PTPRD: variants seen among roughly 807,000 people sequenced by gnomAD.
PTPRD encodes the protein receptor-type tyrosine-protein phosphatase delta.
PTPRD carries 34 observed loss-of-function variants against 214.5 expected under a neutral mutation model. The ratio of observed to expected loss-of-function variants is 0.16; its 90% confidence interval spans 0.12 to 0.21. The LOEUF (loss-of-function observed/expected upper bound fraction) is 0.21. PTPRD is among the 10% of genes least tolerant of loss of function. PTPRD has a pLI of 1.00. For synonymous variants in PTPRD, 1,128 were observed against 845.7 expected (o/e 1.33, Z -5.79); for missense variants, 2,545 against 2,398.7 (o/e 1.06, Z -1.27).
At chr9:8,933,340 G>GTTTTTTTTTCTTTTTTTTT (rs2098966742) in intron 11 of PTPRD, among the ~76,000 whole-genome samples, 1 of 80,430 alleles carries the variant, frequency 1.2e-5, no homozygotes, top group Non-Finnish European at 2.3e-5. Context: ...CAACCTTGAG[G>GTTTTTTTTTCTTTTTTTTT]TTTTTTTTTT....
chr9:8,934,494 A>AATATATATATAAATATATATATATAAAT (rs1567100968), intron 11 of PTPRD, among the ~76,000 whole-genome samples: 2 of 7,434 alleles, frequency 2.7e-4, no homozygotes, highest in Admixed American at 3.4e-3. Context: ...TATATATATA[A>AATATATATATAAATATATATATATAAAT]ATATATATAT....
intron 9 of PTPRD, among the ~76,000 whole-genome samples, chr9:9,218,798 G>A (rs2099953969): frequency 6.6e-6 from 1 of 152,038 alleles, no homozygotes; most frequent in African/African-American, 2.4e-5. Context: ...ATGAATGCCC[G>A]GCCCTCACAG....
At chr9:9,309,111 A>G (rs1002332773) in intron 9 of PTPRD, among the ~76,000 whole-genome samples, 12 of 152,134 alleles carry the variant, frequency 7.9e-5, no homozygotes, top group African/African-American at 2.4e-4. Context: ...TTATTTGAAA[A>G]TCTTTCCTCC....
intron 10 of PTPRD, among the ~76,000 whole-genome samples, chr9:9,105,338 T>C (rs975524923): frequency 2.0e-5 from 3 of 152,118 alleles, no homozygotes; most frequent in African/African-American, 7.2e-5. Flanking sequence ...GTTGATTTTG[T>C]TGATTCTCTC....
intron 14 of PTPRD, among the ~76,000 whole-genome samples, chr9:8,572,638 C>G (rs1052574291): frequency 1.3e-5 from 2 of 151,990 alleles, no homozygotes; most frequent in African/African-American, 2.4e-5. Flanking sequence ...ACTAGAATAA[C>G]TGCTTAGAGA....
intron 37 of PTPRD, among the ~76,000 whole-genome samples, chr9:8,380,024 C>G (rs937063133): frequency 6.6e-5 from 10 of 152,098 alleles, no homozygotes; most frequent in Non-Finnish European, 1.5e-4. Flanking sequence ...CTGGCACAAA[C>G]AGGCATTCAA....
At chr9:8,507,064 G>A (rs909022089) in intron 22 of PTPRD, among the ~76,000 whole-genome samples, 1 of 151,756 alleles carries the variant, frequency 6.6e-6, no homozygotes, top group East Asian at 1.9e-4. Flanking sequence ...AGGAACAAGA[G>A]TTATTTTGTT....
intron 10 of PTPRD, among the ~76,000 whole-genome samples, chr9:9,063,307 G>A (rs956874066): frequency 1.3e-5 from 2 of 152,150 alleles, no homozygotes; most frequent in Non-Finnish European, 2.9e-5. Flanking sequence ...AATCCTTCAT[G>A]CCTAAGAAGG....
At chr9:9,067,731 G>A (rs1379192947) in intron 10 of PTPRD, among the ~76,000 whole-genome samples, 1 of 152,046 alleles carries the variant, frequency 6.6e-6, no homozygotes, top group Non-Finnish European at 1.5e-5. Flanking sequence ...TCTCTCAGTG[G>A]TAACATCTTA....
At chr9:9,385,042 G>T (rs893698544) in intron 9 of PTPRD, among the ~76,000 whole-genome samples, 1 of 152,016 alleles carries the variant, frequency 6.6e-6, no homozygotes, top group African/African-American at 2.4e-5. Context: ...TGGGCAATAG[G>T]AAATTTATTT....
chr9:10,425,931 C>T (rs916574360), intron 2 of PTPRD, among the ~76,000 whole-genome samples: 7 of 151,626 alleles, frequency 4.6e-5, no homozygotes, highest in African/African-American at 1.2e-4. Context: ...CTTTGTAGAT[C>T]GTATATAGAC....
At chr9:8,990,660 G>C (rs932833568) in intron 11 of PTPRD, among the ~76,000 whole-genome samples, 1 of 151,968 alleles carries the variant, frequency 6.6e-6, no homozygotes, top group Admixed American at 6.6e-5. Context: ...TATTATTCTC[G>C]CCTTCCCCTG....
At chr9:9,004,560 T>G (rs183061023) in intron 11 of PTPRD, among the ~76,000 whole-genome samples, 75 of 152,152 alleles carry the variant, frequency 4.9e-4, no homozygotes, top group South Asian at 3.7e-3. Context: ...TCCCAAATGT[T>G]TCTCTTCCTG....
At chr9:9,032,585 A>G (rs1310314142) in intron 10 of PTPRD, among the ~76,000 whole-genome samples, 2 of 149,202 alleles carry the variant, frequency 1.3e-5, no homozygotes, top group East Asian at 4.0e-4. Context: ...TGCTCTGAAA[A>G]GATGCATAAA....
At chr9:9,444,463 A>G (rs2089634027) in intron 8 of PTPRD, among the ~76,000 whole-genome samples, 1 of 152,222 alleles carries the variant, frequency 6.6e-6, no homozygotes, top group Admixed American at 6.5e-5. Flanking sequence ...TATTGTGCCT[A>G]GCATGGCATT....
At chr9:8,868,718 T>C (rs558509692) in intron 11 of PTPRD, among the ~76,000 whole-genome samples, 2 of 152,326 alleles carry the variant, frequency 1.3e-5, no homozygotes, top group African/African-American at 4.8e-5. Flanking sequence ...TGAATTCCAT[T>C]TTTAAGTAGT....
At chr9:9,404,634 TA>T (rs2072502005) in intron 8 of PTPRD, among the ~76,000 whole-genome samples, 1 of 152,062 alleles carries the variant, frequency 6.6e-6, no homozygotes, top group African/African-American at 2.4e-5. Flanking sequence ...GGACATATAT[TA>T]GATACATGAG....
intron 4 of PTPRD, among the ~76,000 whole-genome samples, chr9:9,990,034 C>T (rs1279728958): frequency 6.6e-6 from 1 of 152,196 alleles, no homozygotes; most frequent in African/African-American, 2.4e-5. Context: ...GTGTGAGTAA[C>T]ATGGGGATCT....
At chr9:8,357,076 A>T (rs1484400480) in intron 39 of PTPRD, among the ~76,000 whole-genome samples, 1 of 152,190 alleles carries the variant, frequency 6.6e-6, no homozygotes. Context: ...ATTTTACATA[A>T]GCTATACGCT....
Sources: gnomAD v4.1 joint callset for allele counts (sites outside exome capture counted in the v4.1 genomes callset) on GRCh38, gnomAD v4.1.1 for gene constraint, MANE v1.5 for transcripts, NCBI Gene and HGNC (gene_info 2026-07-23, HGNC 2026-07-21) for gene names.